Variants in NUBPL observed in about 807,000 individuals in gnomAD.
NUBPL encodes iron-sulfur cluster transfer protein NUBPL.
Under a neutral mutation model 45.7 loss-of-function variants are expected in NUBPL, and 31 were observed. The ratio of observed to expected loss-of-function variants is 0.68; its 90% confidence interval spans 0.51 to 0.92. The LOEUF (loss-of-function observed/expected upper bound fraction) is 0.92. NUBPL is among the 40% of genes least tolerant of loss of function. The pLI is 0.00. For missense variants in NUBPL, 401 were observed against 398.7 expected (o/e 1.01, Z -0.05); for synonymous variants, 144 against 140.9 (o/e 1.02, Z -0.15).
intron 4 of NUBPL, among the ~76,000 whole-genome samples, chr14:31,671,289 T>C (rs1035845122): frequency 6.6e-6 from 1 of 152,216 alleles, no homozygotes; most frequent in Non-Finnish European, 1.5e-5. Flanking sequence ...GTTGGACATT[T>C]AGGTTGATTT....
At chr14:31,836,497 G>A (rs1361930770) in intron 8 of NUBPL, among the ~76,000 whole-genome samples, 4 of 152,310 alleles carry the variant, frequency 2.6e-5, no homozygotes, top group African/African-American at 4.8e-5. Flanking sequence ...TTCACAAGAT[G>A]TAAGGCTTAT....
Position 31,585,183 on chromosome 14 carries a change from G to T in NUBPL, c.292-14106G>T, listed in dbSNP as rs143950033. Among the ~76,000 whole-genome samples the T allele has an allele frequency of 2.5e-3, 381 of 152,234 alleles. 1 individual carries two copies. The highest frequency in any genetic ancestry group is 8.3e-3 in the African/African-American group (344 of 41,526). On this transcript the variant is annotated intron_variant, in intron 3 of 10. Transcript: ENST00000281081. The stretch of plus-strand genomic sequence containing the variant: ...GCTTTCCTGGGCCACATTGGAAGAA[G>T]AATTGTCTTGGGCCACATATAAAAT...
At chr14:31,762,506 C>G (rs1258169760) in intron 6 of NUBPL, among the ~76,000 whole-genome samples, 1 of 152,040 alleles carries the variant, frequency 6.6e-6, no homozygotes, top group African/African-American at 2.4e-5. Flanking sequence ...TTCAAACCAC[C>G]CAGTAAGTGT....
At chr14:31,642,420 C>T (rs185842024) in intron 4 of NUBPL, among the ~76,000 whole-genome samples, 25 of 152,098 alleles carry the variant, frequency 1.6e-4, no homozygotes, top group South Asian at 4.2e-4. Flanking sequence ...GTTTTCTGAG[C>T]GCTGTTTATT....
chr14:31,759,288 T>C (rs2038745529), intron 6 of NUBPL, among the ~76,000 whole-genome samples: 1 of 152,156 alleles, frequency 6.6e-6, no homozygotes, highest in African/African-American at 2.4e-5. Flanking sequence ...GGGGATAATA[T>C]GGAGTTGCCT....
intron 8 of NUBPL, among the ~76,000 whole-genome samples, chr14:31,838,279 C>CAAAAAAAAAAAAAAAAA (rs748313330): frequency 4.8e-4 from 29 of 60,256 alleles, no homozygotes; most frequent in South Asian, 2.0e-3. Context: ...TAATATCCAG[C>CAAAAAAAAAAAAAAAAA]AAAAAAAAAA....
intron 4 of NUBPL, among the ~76,000 whole-genome samples, chr14:31,603,528 G>T (rs2034503866): frequency 6.6e-6 from 1 of 151,996 alleles, no homozygotes; most frequent in East Asian, 1.9e-4. Flanking sequence ...ATCTCTGTAG[G>T]TAATAGAAGA....
At chr14:31,666,249 A>AC (rs1459747181) in intron 4 of NUBPL, among the ~76,000 whole-genome samples, 2 of 35,052 alleles carry the variant, frequency 5.7e-5, no homozygotes, top group African/African-American at 2.3e-4. Flanking sequence ...ATATATATAT[A>AC]TATATATATA....
chr14:31,641,163 G>C (rs2035685649), intron 4 of NUBPL, among the ~76,000 whole-genome samples: 1 of 152,086 alleles, frequency 6.6e-6, no homozygotes, highest in African/African-American at 2.4e-5. Flanking sequence ...TGTTGGCCAG[G>C]ATGGTCTTGA....
At chr14:31,623,991 C>T (rs1031433163) in intron 4 of NUBPL, among the ~76,000 whole-genome samples, 2 of 152,108 alleles carry the variant, frequency 1.3e-5, no homozygotes, top group Non-Finnish European at 2.9e-5. Context: ...GAGTGACACT[C>T]AGTTTTGCAT....
intron 6 of NUBPL, among the ~76,000 whole-genome samples, chr14:31,706,460 G>A (rs1450053573): frequency 1.3e-5 from 2 of 152,176 alleles, no homozygotes; most frequent in Non-Finnish European, 1.5e-5. Context: ...ACAGCAAGAT[G>A]GCTGCCATGG....
intron 6 of NUBPL, among the ~76,000 whole-genome samples, chr14:31,700,751 G>T (rs12881465): frequency 0.43 from 65,689 of 151,960 alleles, 17,160 homozygotes; most frequent in East Asian, 0.6. Flanking sequence ...CACTGCACTT[G>T]AATTCTTGCC....
chr14:31,598,667 G>A (rs77560996), intron 3 of NUBPL, among the ~76,000 whole-genome samples: 7,170 of 152,302 alleles, frequency 0.047, 213 homozygotes, highest in Admixed American at 0.066. Context: ...AACAGTTTTA[G>A]TTGTTTCTGA....
chr14:31,615,795 C>A (rs1232419921), intron 4 of NUBPL, among the ~76,000 whole-genome samples: 1 of 152,150 alleles, frequency 6.6e-6, no homozygotes, highest in South Asian at 2.1e-4. Context: ...GATCTATAAT[C>A]CTTTGGGTAT....
intron 3 of NUBPL, among the ~76,000 whole-genome samples, chr14:31,597,657 G>A (rs1030240381): frequency 6.6e-6 from 1 of 152,060 alleles, no homozygotes; most frequent in Non-Finnish European, 1.5e-5. Context: ...TCATGTTATT[G>A]TAAAACCAGC....
intron 6 of NUBPL, among the ~76,000 whole-genome samples, chr14:31,755,158 T>TA (rs2038629836): frequency 6.6e-6 from 1 of 152,096 alleles, no homozygotes; most frequent in Non-Finnish European, 1.5e-5. Flanking sequence ...GCAATAAACA[T>TA]ACGTGTGCAT....
At chr14:31,704,614 G>T (rs1173893043) in intron 6 of NUBPL, among the ~76,000 whole-genome samples, 3 of 151,876 alleles carry the variant, frequency 2.0e-5, no homozygotes, top group African/African-American at 4.8e-5. Flanking sequence ...TGTGAGCCAA[G>T]ATCATGCCAC....
intron 8 of NUBPL, chr14:31,844,854 G>C (rs1033548593): frequency 6.6e-6 from 1 of 152,140 alleles, no homozygotes; most frequent in Non-Finnish European, 1.5e-5. Flanking sequence ...TTTTATTCTA[G>C]AAGAGAGCTA....
rs536171907 is a variant in NUBPL, at chr14:31,676,968, T to A, written c.513+3394T>A. 2.3e-4 allele frequency among the ~76,000 whole-genome samples: 35 copies of A among 152,080 alleles called. No individual in the cohort carries two copies. In the East Asian group the frequency reaches 5.8e-3, roughly 25 times the overall value. ...TGCTTTTTGTATCCTCTTTAAGAAA[T>A]CTTTGCCTGTTTACCCCAAGGTTAT... On this transcript the variant is annotated intron_variant, in intron 6 of 10. Transcript: ENST00000281081.
Sources: allele counts gnomAD v4.1 joint callset (sites outside exome capture counted in the v4.1 genomes callset), GRCh38; gene constraint gnomAD v4.1.1; transcripts MANE v1.5; gene names NCBI Gene and HGNC (gene_info 2026-07-23, HGNC 2026-07-21).